Variants in NLRC5 observed in about 807,000 individuals in gnomAD.
NLRC5 encodes NLR family CARD domain containing 5.
A neutral mutation model predicts 206.9 loss-of-function variants in NLRC5; 114 were observed. That is an observed-to-expected ratio of 0.55 (90% CI 0.47 to 0.64). NLRC5 has a LOEUF of 0.64. NLRC5 is among the 30% of genes least tolerant of loss of function. The pLI is 0.00. For missense variants in NLRC5, 2,008 were observed against 2,305.5 expected (o/e 0.87, Z 2.64); for synonymous variants, 952 against 962.8 (o/e 0.99, Z 0.21).
intron 23 of NLRC5, among the ~76,000 whole-genome samples, chr16:57,050,515 GAGGTGGAGA>G (rs1446420592): frequency 6.6e-5 from 10 of 152,072 alleles, no homozygotes; most frequent in Non-Finnish European, 1.5e-5. Context: ...GAGGAAGGGG[GAGGTGGAGA>G]AGGCAGAAGG....
Position 57,077,754 on chromosome 16 carries a change from T to C in NLRC5, c.4955T>C (p.Val1652Ala). 6.2e-7 allele frequency: 1 copy of C among 1,602,080 alleles called. No homozygotes were observed. The highest frequency in any genetic ancestry group is 1.7e-5 in the Admixed American group (1 of 58,774). Residue 1652 changes from valine (V) to alanine (A), a missense_variant, in exon 42 of 49, where the codon GTG (valine) becomes GCG (alanine). Val to Ala is a moderately conservative substitution (Grantham distance 64). Transcript: ENST00000688547. ...SGNSISSAGG[V>A]QLAESLVLCR... ...AATAGCATCAGCTCAGCCGGGGGAGTGCAGTTGGCAGAGTCTCTCGTTCTT... is the reference window on the plus strand; with the variant it reads ...AATAGCATCAGCTCAGCCGGGGGAGCGCAGTTGGCAGAGTCTCTCGTTCTT...
In NLRC5 at chr16:57,069,877, T is replaced by C; in HGVS notation, c.4541T>C (p.Leu1514Pro). The C allele has an allele frequency of 6.3e-7, 1 of 1,598,152 alleles. No homozygotes were observed. Among genetic ancestry groups the C allele is most frequent in the Admixed American group, 1.7e-5 (1 of 57,998 alleles). ...SCVSTEGLAHLASGLGHCHHL... is the reference protein window; with the variant it reads ...SCVSTEGLAHPASGLGHCHHL... Reference sequence around the variant, plus strand: ...GTGAGCACCGAGGGCCTCGCCCACCTGGCATCTGGTCTGGGCCACTGCCAC... The same window carrying C: ...GTGAGCACCGAGGGCCTCGCCCACCCGGCATCTGGTCTGGGCCACTGCCAC... Residue 1514 changes from leucine to proline, a missense_variant, in exon 37 of 49, where the codon CTG becomes CCG. Physicochemically the swap from Leu to Pro is moderately conservative, Grantham distance 98. Coordinates refer to ENST00000688547, the MANE Select transcript of NLRC5 (RefSeq NM_001384950.1).
chr16:57,024,900 C>T (rs981677344), intron 5 of NLRC5, among the ~76,000 whole-genome samples: 1 of 152,104 alleles, frequency 6.6e-6, no homozygotes, highest in Non-Finnish European at 1.5e-5. Flanking sequence ...GTCCCAGCTA[C>T]TCAGGAGGCT....
intron 28 of NLRC5, 27 bp downstream of exon 28, chr16:57,058,175 G>T: frequency 6.3e-7 from 1 of 1,583,236 alleles, no homozygotes; most frequent in Non-Finnish European, 8.6e-7. Flanking sequence ...ATAAAGGACA[G>T]ATAGCAAGGA....
intron 1 of NLRC5, among the ~76,000 whole-genome samples, chr16:56,993,130 T>TACACAC (rs34822472): frequency 7.0e-6 from 1 of 143,374 alleles, no homozygotes; most frequent in African/African-American, 2.6e-5. Context: ...TGTATATATA[T>TACACAC]ATACACACAC....
At chr16:57,001,000 C>G (rs1357354604) in intron 1 of NLRC5, among the ~76,000 whole-genome samples, 1 of 152,192 alleles carries the variant, frequency 6.6e-6, no homozygotes. Context: ...CAGCATAGAC[C>G]CCATCACTGG....
intron 27 of NLRC5, among the ~76,000 whole-genome samples, chr16:57,056,851 G>C (rs2065738562): frequency 6.6e-6 from 1 of 151,840 alleles, no homozygotes. Context: ...TAGAGACGGG[G>C]TTTCACCATG....
rs375322632 is a variant in NLRC5 at position 57,005,795 on chromosome 16, T to C, written c.-127-11279T>C. The stretch of plus-strand genomic sequence containing the variant: ...ATTAGCTAGGTGTGGTGGTGTGCAC[T>C]TGTAGTCCCAGCTACTCAGGAAGCT... On this transcript the variant is annotated intron_variant, in intron 1 of 48. Transcript: ENST00000688547. Among the ~76,000 whole-genome samples the C allele has an allele frequency of 8.6e-5, 13 of 151,916 alleles. No individual in the cohort carries two copies. The South Asian group carries it at 2.7e-3, about 32-fold the overall frequency.
In NLRC5 at chr16:57,036,675, T is replaced by TG. The variant is rs2062624025; in HGVS notation, c.2711+497dup. ...GGGTGATGTTTGGGTGGGGGTGTCT[T>TG]GGGGGTCTTAGGATCAAGTGTGGGT... is the stretch of plus-strand genomic sequence containing the variant. On this transcript the variant is annotated intron_variant, in intron 14 of 48. Transcript: ENST00000688547. Among the ~76,000 whole-genome samples, 6 of 149,344 alleles carry TG rather than the reference T, an allele frequency of 4.0e-5. No homozygotes were observed. The South Asian group carries it at 1.1e-3, about 26-fold the overall frequency.
chr16:57,038,006 C>T (rs1027401279), intron 15 of NLRC5, among the ~76,000 whole-genome samples: 2 of 152,110 alleles, frequency 1.3e-5, no homozygotes, highest in Admixed American at 6.6e-5. Context: ...GCATTCCAAG[C>T]GATGCCCTGT....
At chr16:57,079,829 G>A (rs759101009) in intron 46 of NLRC5, among the ~76,000 whole-genome samples, 200 bp downstream of exon 46, 2 of 152,172 alleles carry the variant, frequency 1.3e-5, no homozygotes, top group Non-Finnish European at 2.9e-5. Context: ...AGGTAATGTT[G>A]GGTAAAACAG....
intron 2 of NLRC5, among the ~76,000 whole-genome samples, chr16:57,020,285 C>T (rs1331079034): frequency 1.3e-5 from 2 of 149,658 alleles, no homozygotes; most frequent in South Asian, 2.2e-4. Flanking sequence ...TCCCCTGTCC[C>T]CCAAATCACC....
chr16:57,031,402 AG>A lies in NLRC5; in HGVS notation c.2419del. 2 of 1,613,924 alleles carry A rather than the reference AG, an allele frequency of 1.2e-6. No individual in the cohort carries two copies. The highest frequency in any genetic ancestry group is 1.7e-6 in the Non-Finnish European group (2 of 1,179,972). On this transcript the variant is annotated splice_acceptor_variant, in intron 10 of 48. Transcript: ENST00000688547. LOFTEE classifies it high-confidence loss of function. ...TTCATGGCTTGGTATCTGATCCTGC[AG>A]GGAGGCGGACCTCATCTTCCTTCTT...
chr16:57,014,880 A>C (rs950738436), intron 1 of NLRC5, among the ~76,000 whole-genome samples: 4 of 151,792 alleles, frequency 2.6e-5, no homozygotes, highest in Admixed American at 1.3e-4. Flanking sequence ...CTCACAGGGC[A>C]GAGAGCAAAA....
intron 23 of NLRC5, among the ~76,000 whole-genome samples, chr16:57,050,160 G>T (rs1048668604): frequency 6.6e-6 from 1 of 151,828 alleles, no homozygotes. Context: ...AGAGCCCATG[G>T]TGTATTTGGG....
chr16:57,018,645 A>G (rs760779441), intron 2 of NLRC5, among the ~76,000 whole-genome samples: 7 of 152,098 alleles, frequency 4.6e-5, no homozygotes, highest in Non-Finnish European at 8.8e-5. Context: ...GCCTCTGGGA[A>G]TTGGGAAGGC....
In NLRC5 at chr16:57,055,426, C is replaced by T. The variant is rs757433104; in HGVS notation, c.3660-7C>T. On this transcript the variant is annotated splice_region_variant and splice_polypyrimidine_tract_variant and intron_variant, in intron 26 of 48. Coordinates refer to ENST00000688547, the MANE Select transcript of NLRC5 (RefSeq NM_001384950.1). ...ATCCCCTGCTTGTCCCCTTTACCTC[C>T]GTCCAGCAGGTTCACAGGCTGCAGC... 1.7e-5 allele frequency: 27 copies of T among 1,613,362 alleles called. No homozygotes were observed. Among genetic ancestry groups the T allele is most frequent in the African/African-American group, 1.2e-4 (9 of 74,908 alleles).
In NLRC5 at chr16:57,055,493, C is replaced by T; in HGVS notation, c.3720C>T (p.Ser1240=). The T allele has an allele frequency of 1.2e-6, 2 of 1,613,738 alleles. No individual in the cohort carries two copies. The highest frequency in any genetic ancestry group is 1.7e-6 in the Non-Finnish European group (2 of 1,179,808). Residue 1240 remains serine, a synonymous_variant, in exon 27 of 49, where the codon AGC becomes AGT. Coordinates refer to ENST00000688547, the MANE Select transcript of NLRC5 (RefSeq NM_001384950.1). The part of the protein sequence containing the change: ...EHVESLCWLL[S]KCKDLSQVDL... ...TAGAGTCACTCTGCTGGTTGCTGAG[C>T]AAGTGTAAAGACCTCAGCCAGGTGG...
chr16:57,066,323 GA>G (rs1333805338), intron 33 of NLRC5, among the ~76,000 whole-genome samples: 1 of 150,678 alleles, frequency 6.6e-6, no homozygotes, highest in Non-Finnish European at 1.5e-5. Context: ...AAAAAAAAAA[GA>G]AAGAGAAAAA....
Sources: gnomAD v4.1 joint callset for allele counts (sites outside exome capture counted in the v4.1 genomes callset) on GRCh38, gnomAD v4.1.1 for gene constraint, MANE v1.5 for transcripts, NCBI Gene and HGNC (gene_info 2026-07-23, HGNC 2026-07-21) for gene names.